Variants in CTNNA2 observed in about 807,000 individuals in gnomAD.
CTNNA2 encodes catenin alpha 2, also known as catenin alpha-2.
Under a neutral mutation model 101.0 loss-of-function variants are expected in CTNNA2, and 42 were observed. That is an observed-to-expected ratio of 0.42 (90% CI 0.32 to 0.54). CTNNA2 has a LOEUF of 0.54. CTNNA2 is among the 20% of genes least tolerant of loss of function. The pLI, the probability that CTNNA2 is intolerant of heterozygous loss-of-function variation, is 0.14. For synonymous variants in CTNNA2, 450 were observed against 456.4 expected, an observed-to-expected ratio of 0.99 and a Z score of 0.18; for missense variants, 871 against 1,223.1, an observed-to-expected ratio of 0.71 and a Z score of 4.29.
intron 3 of CTNNA2, among the ~76,000 whole-genome samples, chr2:79,835,392 C>A (rs575243506): frequency 3.9e-5 from 6 of 152,094 alleles, no homozygotes; most frequent in African/African-American, 1.4e-4. Flanking sequence ...GGAAAATGAC[C>A]CAACATTTTA....
chr2:80,479,849 ATAATT>A (rs1042766565), intron 9 of CTNNA2, among the ~76,000 whole-genome samples: 3 of 152,182 alleles, frequency 2.0e-5, no homozygotes, highest in African/African-American at 2.4e-5. Flanking sequence ...GGTCATTTAA[ATAATT>A]TAAGTGGCCA....
chr2:79,795,813 G>T (rs931170021), intron 3 of CTNNA2, among the ~76,000 whole-genome samples: 29 of 152,320 alleles, frequency 1.9e-4, no homozygotes, highest in African/African-American at 6.3e-4. Context: ...GCATTTCCAT[G>T]CAAGAATCTA....
chr2:80,576,920 G>C (rs140387973), intron 13 of CTNNA2, among the ~76,000 whole-genome samples: 22 of 151,798 alleles, frequency 1.4e-4, no homozygotes, highest in Non-Finnish European at 3.1e-4. Flanking sequence ...TTAACTTCAC[G>C]TCTCCCAAAC....
At chr2:79,798,594 C>T (rs867675414) in intron 3 of CTNNA2, among the ~76,000 whole-genome samples, 2 of 128,956 alleles carry the variant, frequency 1.6e-5, no homozygotes, top group Non-Finnish European at 3.2e-5. Context: ...CAAAAATACT[C>T]ATTCTTGAAA....
chr2:80,006,790 C>G (rs879560090), intron 7 of CTNNA2, among the ~76,000 whole-genome samples: 3 of 152,118 alleles, frequency 2.0e-5, no homozygotes, highest in Non-Finnish European at 4.4e-5. Context: ...TTTGAAATGT[C>G]TGTTTCCCAT....
intron 2 of CTNNA2, among the ~76,000 whole-genome samples, chr2:79,289,282 G>A (rs1675721488): frequency 6.6e-6 from 1 of 152,078 alleles, no homozygotes; most frequent in African/African-American, 2.4e-5. Context: ...TTTTTCTTTG[G>A]GGGTTGTTTT....
intron 1 of CTNNA2, among the ~76,000 whole-genome samples, chr2:79,620,997 C>G (rs1211769776): frequency 6.6e-6 from 1 of 152,088 alleles, no homozygotes; most frequent in African/African-American, 2.4e-5. Flanking sequence ...CTGGAAAGCC[C>G]CCTCCCCATA....
At chr2:79,418,719 G>T (rs1678509636) in intron 4 of CTNNA2, among the ~76,000 whole-genome samples, 2 of 152,092 alleles carry the variant, frequency 1.3e-5, no homozygotes, top group African/African-American at 4.8e-5. Flanking sequence ...CACTGTGAAT[G>T]AAACTGCATC....
At chr2:80,114,607 C>A (rs977756407) in intron 7 of CTNNA2, among the ~76,000 whole-genome samples, 2 of 152,186 alleles carry the variant, frequency 1.3e-5, no homozygotes, top group Non-Finnish European at 2.9e-5. Flanking sequence ...GTTAGAGGAG[C>A]ACGCTGGCTT....
At chr2:80,158,902 C>A (rs1362193523) in intron 7 of CTNNA2, among the ~76,000 whole-genome samples, 1 of 147,172 alleles carries the variant, frequency 6.8e-6, no homozygotes, top group Non-Finnish European at 1.5e-5. Flanking sequence ...CAGAGTGAGA[C>A]TCCGTCTCAA....
chr2:79,694,961 T>C (rs72925410), intron 2 of CTNNA2, among the ~76,000 whole-genome samples: 1 of 151,564 alleles, frequency 6.6e-6, no homozygotes, highest in African/African-American at 2.4e-5. Flanking sequence ...ATTACCTGCT[T>C]TATATCAGCC....
chr2:80,419,375 C>T (rs1182054393), intron 8 of CTNNA2, 74 bp from the exon 9 acceptor site: 7 of 1,242,296 alleles, frequency 5.6e-6, no homozygotes, highest in Non-Finnish European at 7.9e-6. Flanking sequence ...AGCTCAAAAA[C>T]AGTTTAGAAA....
chr2:79,204,558 T>A (rs1674077768), intron 2 of CTNNA2, among the ~76,000 whole-genome samples: 1 of 152,230 alleles, frequency 6.6e-6, no homozygotes, highest in African/African-American at 2.4e-5. Context: ...GAGGAGATTT[T>A]AAAATATGTC....
At chr2:79,790,048 T>C (rs1256645650) in intron 3 of CTNNA2, among the ~76,000 whole-genome samples, 1 of 152,200 alleles carries the variant, frequency 6.6e-6, no homozygotes, top group African/African-American at 2.4e-5. Context: ...AGGGAATATT[T>C]ACATTTGGAA....
chr2:79,556,688 A>AAAT (rs563869992), intron 1 of CTNNA2, among the ~76,000 whole-genome samples: 45 of 152,154 alleles, frequency 3.0e-4, no homozygotes, highest in African/African-American at 1.1e-3. Flanking sequence ...CTTATATGTA[A>AAAT]AATAGTGCCA....
chr2:80,112,464 G>A (rs1332814373), intron 7 of CTNNA2, among the ~76,000 whole-genome samples: 2 of 152,008 alleles, frequency 1.3e-5, no homozygotes, highest in Non-Finnish European at 2.9e-5. Context: ...TGTCTAGGTT[G>A]GTCAGAAAAA....
intron 5 of CTNNA2, among the ~76,000 whole-genome samples, chr2:79,505,848 T>C (rs1038330900): frequency 6.6e-6 from 1 of 152,248 alleles, no homozygotes; most frequent in Non-Finnish European, 1.5e-5. Context: ...AGTATGAGAC[T>C]GTTAATGGTA....
Position 80,648,120 on chromosome 2 carries a change from T to C in CTNNA2, c.*248T>C, listed in dbSNP as rs1674305493. On this transcript the variant is annotated 3_prime_UTR_variant, in exon 19 of 19. Coordinates refer to ENST00000402739, the MANE Select transcript of CTNNA2 (RefSeq NM_001282597.3). The stretch of plus-strand genomic sequence containing the variant: ...TGTCCTTTGCAACATTCTCATAAAA[T>C]TGGGCACAGAGTTCGCATTGGCGCA... 2 of 315,092 alleles carry C rather than the reference T, an allele frequency of 6.3e-6. No homozygotes were observed. The highest frequency in any genetic ancestry group is 2.0e-4 in the South Asian group (2 of 10,174). The allele number at this position is 315,092 out of a possible 1,614,324, so 19.5% of individuals were successfully genotyped here. A position where few individuals can be genotyped will look rare whatever the true frequency, so the allele number is the denominator to read the frequency against.
chr2:79,290,429 C>T (rs543841628), intron 2 of CTNNA2, among the ~76,000 whole-genome samples: 3 of 152,226 alleles, frequency 2.0e-5, no homozygotes, highest in Non-Finnish European at 2.9e-5. Flanking sequence ...CCTGTGCCCA[C>T]GGACCTAGGT....
Sources: allele counts gnomAD v4.1 joint callset (sites outside exome capture counted in the v4.1 genomes callset), GRCh38; gene constraint gnomAD v4.1.1; transcripts MANE v1.5; gene names NCBI Gene and HGNC (gene_info 2026-07-23, HGNC 2026-07-21).